SSC5D: variants seen among roughly 807,000 people sequenced by gnomAD.
SSC5D encodes soluble scavenger receptor cysteine-rich domain-containing protein SSC5D.
Under a neutral mutation model 104.6 loss-of-function variants are expected in SSC5D, and 106 were observed. The observed-to-expected ratio is 1.01, with a 90% CI of 0.87 to 1.19. The LOEUF (loss-of-function observed/expected upper bound fraction) is 1.19, where lower values mean the gene tolerates loss of function less well. SSC5D is among the 50% of genes most tolerant of loss of function. The pLI is 0.00. For synonymous variants in SSC5D, 860 were observed against 883.5 expected, an observed-to-expected ratio of 0.97 and a Z score of 0.47; for missense variants, 1,993 against 2,153.8, an observed-to-expected ratio of 0.93 and a Z score of 1.48.
At chr19:55,499,118 C>T (rs945818434) in intron 9 of SSC5D, among the ~76,000 whole-genome samples, 7 of 152,234 alleles carry the variant, frequency 4.6e-5, no homozygotes. Context: ...ATAAATCACA[C>T]TGTTAGCATA....
At chr19:55,491,141 C>T (rs976368685) in intron 6 of SSC5D, 61 bp downstream of exon 6, 4 of 1,491,078 alleles carry the variant, frequency 2.7e-6, no homozygotes, top group African/African-American at 1.4e-5. Context: ...CCCTCTTGCC[C>T]CTCCAGGAAG....
In SSC5D at chr19:55,493,501, A is replaced by G. The variant is rs537121391; in HGVS notation, c.896-94A>G. ...TGAAGATGGAATATTTGCTTCCCAGAGTCATCTTGGGGTTGCAGCCTGCCT... is the reference window on the plus strand; with the variant it reads ...TGAAGATGGAATATTTGCTTCCCAGGGTCATCTTGGGGTTGCAGCCTGCCT... On this transcript the variant is annotated intron_variant, in intron 6 of 13. Transcript: ENST00000389623. 1.0e-5 allele frequency: 11 copies of G among 1,097,506 alleles called. No homozygotes were observed. The African/African-American group carries it at 1.5e-4, about 15-fold the overall frequency. 68.0% of individuals were successfully genotyped at this position (1,097,506 alleles called of 1,614,324 possible).
At chr19:55,490,469 A>G in intron 5 of SSC5D, 61 bp downstream of exon 5, 1 of 648,572 alleles carries the variant, frequency 1.5e-6, no homozygotes, top group Non-Finnish European at 2.7e-6. Flanking sequence ...CAGGGCCCAG[A>G]AAAACTGAGG....
At chr19:55,514,069 C>A (rs1292211980) in intron 13 of SSC5D, among the ~76,000 whole-genome samples, 4 of 152,156 alleles carry the variant, frequency 2.6e-5, no homozygotes, top group Admixed American at 2.6e-4. Flanking sequence ...CCCCACTGGA[C>A]AGAGCTGTTT....
intron 7 of SSC5D, 49 bp from the exon 8 acceptor site, chr19:55,494,561 G>C: frequency 6.9e-7 from 1 of 1,454,684 alleles, no homozygotes; most frequent in Admixed American, 2.6e-5. Flanking sequence ...TGCCGGCTCC[G>C]GGATGGAGGG....
rs1987570992 is a variant in SSC5D, at chr19:55,503,763, A to G, written c.2785+2562A>G. 6.6e-6 allele frequency among the ~76,000 whole-genome samples: 1 copy of G among 151,450 alleles called. No homozygotes were observed. Reference sequence around the variant, plus strand: ...CGCCCCGTACCTGTGCCCTCCTGAGAGGCCCAAGCCTCCCGCTCCCGCAGG... The same window carrying G: ...CGCCCCGTACCTGTGCCCTCCTGAGGGGCCCAAGCCTCCCGCTCCCGCAGG... On this transcript the variant is annotated intron_variant, in intron 12 of 13. Transcript: ENST00000389623. This position sits in a 1 kb window ranked among gnomAD's most constrained non-coding sequence, Gnocchi z 4.0.
rs1201085339 is a variant in SSC5D, at chr19:55,518,685, A to C, written c.4409A>C (p.His1470Pro). The change falls in exon 14 of 14, where the codon CAT (histidine) becomes CCT (proline). Residue 1470 changes from histidine to proline, a missense_variant. His to Pro is a moderately conservative substitution (Grantham distance 77). This residue lies in a region of SSC5D where 349 missense variants were observed against 397.6 expected (regional missense o/e 0.88). Coordinates refer to ENST00000389623, the MANE Select transcript of SSC5D (RefSeq NM_001144950.2). ...GPTPGQSPGP[H>P]GPCVAPTPPV... ...ACTCCTGGTCAGAGCCCAGGCCCCC[A>C]TGGTCCATGTGTGGCCCCAACACCA... The C allele has an allele frequency of 6.6e-7, 1 of 1,526,360 alleles. No individual in the cohort carries two copies. The highest frequency in any genetic ancestry group is 1.5e-5 in the African/African-American group (1 of 65,084). The allele number at this position is 1,526,360 out of a possible 1,614,324, so 94.6% of individuals were successfully genotyped here.
At position 55,488,958 on chromosome 19, in the gene SSC5D, C is replaced by T. The variant is rs1263423590; in HGVS notation, c.26-48C>T. Reference sequence around the variant, plus strand: ...GGGGCCTGCGCTGGAGAAAGGGCCACCCCCGGCCTGCCCCTCACACTGCCC... The same window carrying T: ...GGGGCCTGCGCTGGAGAAAGGGCCATCCCCGGCCTGCCCCTCACACTGCCC... On this transcript the variant is annotated intron_variant, in intron 1 of 13. Coordinates refer to ENST00000389623, the MANE Select transcript of SSC5D (RefSeq NM_001144950.2). 5.6e-6 allele frequency: 8 copies of T among 1,436,546 alleles called. No homozygotes were observed. In the African/African-American group the frequency reaches 5.7e-5, roughly 10 times the overall value. The allele number at this position is 1,436,546 out of a possible 1,614,324, so 89.0% of individuals were successfully genotyped here. A position where few individuals can be genotyped will look rare whatever the true frequency, so the allele number is the denominator to read the frequency against.
rs544513386 is a variant in SSC5D, at chr19:55,501,193, C to G, written c.2777C>G (p.Pro926Arg). The G allele has an allele frequency of 6.5e-7, 1 of 1,529,916 alleles. No homozygotes were observed. The highest frequency in any genetic ancestry group is 8.8e-7 in the Non-Finnish European group (1 of 1,137,690). 94.8% of individuals were successfully genotyped at this position (1,529,916 alleles called of 1,614,324 possible). ...TCCTCCCCAGCAATAAGGCGCCTGCCGGACACAGGTGAGAGGCCTGATTGG... is the reference window on the plus strand; with the variant it reads ...TCCTCCCCAGCAATAAGGCGCCTGCGGGACACAGGTGAGAGGCCTGATTGG... The part of the protein sequence containing the change: ...GSSSPAIRRL[P>R]DTGSKDGYKL... Residue 926 changes from proline to arginine, a missense_variant, in exon 12 of 14, where the codon CCG (proline) becomes CGG (arginine). Around this residue, in one of 6 missense-constraint regions of SSC5D, gnomAD observed 423 missense variants for 409.2 expected, o/e 1.03. Coordinates refer to ENST00000389623, the MANE Select transcript of SSC5D (RefSeq NM_001144950.2).
At chr19:55,508,282 G>A (rs1000558073) in intron 12 of SSC5D, among the ~76,000 whole-genome samples, 2 of 152,146 alleles carry the variant, frequency 1.3e-5, no homozygotes. Flanking sequence ...TATCGCCGGA[G>A]GTTTATCACC....
At chr19:55,489,798 T>C (rs1987080115) in intron 3 of SSC5D, 84 bp from the exon 4 acceptor site, 1 of 1,479,272 alleles carries the variant, frequency 6.8e-7, no homozygotes, top group African/African-American at 1.4e-5. Context: ...CAAAGCCAGG[T>C]GGCTAACTCC....
At chr19:55,507,035 G>A (rs934649951) in intron 12 of SSC5D, among the ~76,000 whole-genome samples, 4 of 151,826 alleles carry the variant, frequency 2.6e-5, no homozygotes, top group East Asian at 2.0e-4. Flanking sequence ...CTGGTGTGGC[G>A]GTGCATGCCT....
intron 12 of SSC5D, among the ~76,000 whole-genome samples, chr19:55,504,908 A>T (rs773157395): frequency 1.7e-4 from 26 of 152,156 alleles, no homozygotes; most frequent in Non-Finnish European, 2.9e-4. Flanking sequence ...AGGCCATAGA[A>T]ACTGTTGCTA....
Position 55,500,140 on chromosome 19 carries a change from C to T in SSC5D, c.2030C>T (p.Thr677Ile). The T allele has an allele frequency of 6.4e-7, 1 of 1,551,780 alleles. No individual in the cohort carries two copies. The highest frequency in any genetic ancestry group is 8.7e-7 in the Non-Finnish European group (1 of 1,146,990). The change falls in exon 10 of 14, where the codon ACC (threonine) becomes ATC (isoleucine). Residue 677 changes from threonine (T) to isoleucine (I), a missense_variant. Thr to Ile is a moderately conservative substitution (Grantham distance 89). Coordinates refer to ENST00000389623, the MANE Select transcript of SSC5D (RefSeq NM_001144950.2). This position sits in a 1 kb window ranked among gnomAD's most constrained non-coding sequence, Gnocchi z 4.6. ...ALTTEASRRP[T>I]SEFTRRPTTE... is the part of the protein sequence containing the mutation. ...ACCACTGAGGCCTCCCGAAGACCTA[C>T]CTCTGAGTTTACCAGAAGGCCGACC...
In SSC5D at chr19:55,513,084, T is replaced by A. The variant is rs977652913; in HGVS notation, c.2859T>A (p.Pro953=). Residue 953 remains proline, a synonymous_variant, in exon 13 of 14, where the codon CCT becomes CCA. Coordinates refer to ENST00000389623, the MANE Select transcript of SSC5D (RefSeq NM_001144950.2). ...PSGRGLAEGT[P]TAGKLGPTLG... is the part of the protein sequence containing the mutation. ...GAAGGGGCCTGGCTGAGGGGACCCC[T>A]ACCGCAGGCAAACTAGGACCAACTC... 1.9e-6 allele frequency: 3 copies of A among 1,551,060 alleles called. No individual in the cohort carries two copies. The African/African-American group carries it at 4.1e-5, about 21-fold the overall frequency.
intron 12 of SSC5D, among the ~76,000 whole-genome samples, chr19:55,509,384 A>G (rs1020085443): frequency 5.3e-5 from 8 of 152,168 alleles, no homozygotes; most frequent in Non-Finnish European, 8.8e-5. Context: ...ATTCTCGCCC[A>G]TGAGCCTAAG....
Position 55,500,432 on chromosome 19 carries a change from G to A in SSC5D, c.2302+20G>A. ...AATCAGGTGAGTGGCCGTGAGGGGT[G>A]TGGGGAGAGAATGGGAGAGGCTGAC... On this transcript the variant is annotated intron_variant, in intron 10 of 13. Transcript: ENST00000389623. This position sits in a 1 kb window ranked among gnomAD's most constrained non-coding sequence, Gnocchi z 4.6. 6.5e-7 allele frequency: 1 copy of A among 1,549,076 alleles called. No individual in the cohort carries two copies. Among genetic ancestry groups the A allele is most frequent in the East Asian group, 2.4e-5 (1 of 40,874 alleles).
At position 55,518,682 on chromosome 19, in the gene SSC5D, C is replaced by A; in HGVS notation, c.4406C>A (p.Pro1469His). ...LGPTPGQSPG[P>H]HGPCVAPTPP... ...CCAACTCCTGGTCAGAGCCCAGGCC[C>A]CCATGGTCCATGTGTGGCCCCAACA... is the stretch of plus-strand genomic sequence containing the variant. Residue 1469 changes from proline to histidine, a missense_variant, in exon 14 of 14, where the codon CCC (proline) becomes CAC (histidine). Physicochemically the swap from Pro to His is moderately conservative, Grantham distance 77. Coordinates refer to ENST00000389623, the MANE Select transcript of SSC5D (RefSeq NM_001144950.2). 1 of 1,549,414 alleles carries A rather than the reference C, an allele frequency of 6.5e-7. No homozygotes were observed. The highest frequency in any genetic ancestry group is 8.7e-7 in the Non-Finnish European group (1 of 1,146,104).
chr19:55,516,553 C>G lies in SSC5D; in HGVS notation c.2948-671C>G, dbSNP rs552712798. 1.3e-3 allele frequency among the ~76,000 whole-genome samples: 200 copies of G among 151,534 alleles called. 2 individuals are homozygous for G. Among genetic ancestry groups the G allele is most frequent in the African/African-American group, 4.5e-3 (187 of 41,310 alleles). Reference sequence around the variant, plus strand: ...TCCTATCCGCCTCGCTGGGCTCCCCCTAATCCTGGCCCTGTTGGATCCCGT... The same window carrying G: ...TCCTATCCGCCTCGCTGGGCTCCCCGTAATCCTGGCCCTGTTGGATCCCGT... On this transcript the variant is annotated intron_variant, in intron 13 of 13. Coordinates refer to ENST00000389623, the MANE Select transcript of SSC5D (RefSeq NM_001144950.2).
Sources: allele counts gnomAD v4.1 joint callset (sites outside exome capture counted in the v4.1 genomes callset), GRCh38; gene constraint gnomAD v4.1.1; regional missense constraint gnomAD v4.1.1; non-coding constraint Gnocchi (gnomAD v3.1); transcripts MANE v1.5; gene names NCBI Gene and HGNC (gene_info 2026-07-23, HGNC 2026-07-21).